SLC43A2: variants seen among roughly 807,000 people sequenced by gnomAD.
The protein encoded by SLC43A2 is solute carrier family 43 member 2.
In SLC43A2, 38 loss-of-function variants were observed where a neutral mutation model predicts 63.2. That is an observed-to-expected ratio of 0.60 (90% CI 0.46 to 0.79). The LOEUF is 0.79. Ranked by LOEUF, SLC43A2 falls within the 30% of genes least tolerant of loss-of-function variation. SLC43A2 has a pLI of 0.00. For missense variants in SLC43A2, 644 were observed against 756.2 expected, an observed-to-expected ratio of 0.85 and a Z score of 1.74; for synonymous variants, 322 against 331.0, an observed-to-expected ratio of 0.97 and a Z score of 0.30.
intron 9 of SLC43A2, among the ~76,000 whole-genome samples, chr17:1,587,544 C>T (rs1253046507): frequency 6.6e-6 from 1 of 152,218 alleles, no homozygotes; most frequent in Non-Finnish European, 1.5e-5. Context: ...CCCCCTGCCA[C>T]AGAGGCCTGG....
chr17:1,576,852 T>G, intron 12 of SLC43A2, 132 bp from the exon 13 acceptor site: 2 of 994,370 alleles, frequency 2.0e-6, no homozygotes, highest in South Asian at 1.8e-5. Flanking sequence ...TCCTTCCTGC[T>G]GGGCAGTTCT....
chr17:1,629,490 C>T (rs1002757966), upstream of SLC43A2, among the ~76,000 whole-genome samples: 1 of 152,244 alleles, frequency 6.6e-6, no homozygotes, highest in African/African-American at 2.4e-5. Context: ...TCCCCTCTCC[C>T]CGGTGGCGTC....
intron 4 of SLC43A2, among the ~76,000 whole-genome samples, chr17:1,614,635 A>G (rs1907424996): frequency 1.3e-5 from 2 of 152,030 alleles, no homozygotes; most frequent in Non-Finnish European, 2.9e-5. Context: ...TGCTGCCTGG[A>G]GGGGACTCAG....
chr17:1,604,529 G>A (rs560829095), intron 5 of SLC43A2: 78 of 604,450 alleles, frequency 1.3e-4, no homozygotes, highest in Admixed American at 4.6e-4. Flanking sequence ...CTCACCCCCC[G>A]GAGGTCACCA....
intron 10 of SLC43A2, 160 bp downstream of exon 10, chr17:1,585,753 T>A: frequency 6.3e-7 from 1 of 1,585,444 alleles, no homozygotes; most frequent in Non-Finnish European, 8.5e-7. Flanking sequence ...TTGAAACGCA[T>A]GCTGAGCTGA....
intron 5 of SLC43A2, among the ~76,000 whole-genome samples, chr17:1,597,884 G>A (rs1280873255): frequency 1.3e-5 from 2 of 152,214 alleles, no homozygotes; most frequent in South Asian, 2.1e-4. Context: ...GTGCTCACAC[G>A]TGCCCAGGCA....
chr17:1,589,297 G>A (rs149428251), intron 9 of SLC43A2, among the ~76,000 whole-genome samples: 4 of 152,264 alleles, frequency 2.6e-5, no homozygotes, highest in African/African-American at 4.8e-5. Context: ...TGGGGTTTCC[G>A]CCACTCCAGG....
At chr17:1,582,537 G>A (rs2076035432) in intron 11 of SLC43A2, among the ~76,000 whole-genome samples, 2 of 152,174 alleles carry the variant, frequency 1.3e-5, no homozygotes, top group African/African-American at 2.4e-5. Context: ...AGCTGCTTGA[G>A]CCGATACAAA....
rs2076046589 is a variant in SLC43A2, at chr17:1,583,172, T to C, written c.1350+32A>G. 1 of 1,605,664 alleles carries C rather than the reference T, an allele frequency of 6.2e-7. No individual in the cohort carries two copies. Among genetic ancestry groups the C allele is most frequent in the Non-Finnish European group, 8.5e-7 (1 of 1,172,984 alleles). ...ACATGTTCCTTCTGACTGCCCCACC[T>C]CCCACCTGCCCCTCCCACTCCCCAC... On this transcript the variant is annotated intron_variant, in intron 11 of 13. Coordinates refer to ENST00000301335, the MANE Select transcript of SLC43A2 (RefSeq NM_152346.3). The surrounding 1 kb of genome is among the most constrained non-coding windows in gnomAD (Gnocchi z 5.5).
intron 5 of SLC43A2, among the ~76,000 whole-genome samples, chr17:1,594,733 GC>G (rs1253002212): frequency 6.6e-6 from 1 of 150,896 alleles, no homozygotes; most frequent in African/African-American, 2.4e-5. Flanking sequence ...GACTATAGGC[GC>G]CCGCCACCAC....
rs867615261 is a variant in SLC43A2, at chr17:1,605,063, G to C, written c.501+8132C>G. On this transcript the variant is annotated intron_variant, in intron 5 of 13. Transcript: ENST00000301335. The surrounding 1 kb of genome is among the most constrained non-coding windows in gnomAD (Gnocchi z 4.9). ...AAGCAGGAAGCCGGAGCTGTTTCCT[G>C]ACTCACCACCACACTCACAGGTGGG... is the stretch of plus-strand genomic sequence containing the variant. 7 of 901,352 alleles carry C rather than the reference G, an allele frequency of 7.8e-6. No homozygotes were observed. Among genetic ancestry groups the C allele is most frequent in the Admixed American group, 4.1e-5 (1 of 24,620 alleles). 55.8% of individuals were successfully genotyped at this position (901,352 alleles called of 1,614,324 possible).
At chr17:1,594,627 G>C (rs1459938120) in intron 5 of SLC43A2, among the ~76,000 whole-genome samples, 1 of 136,422 alleles carries the variant, frequency 7.3e-6, no homozygotes, top group Non-Finnish European at 1.6e-5. Flanking sequence ...TCGCTCTTTC[G>C]CCCAGGCTGT....
chr17:1,586,924 ACAAT>A, intron 9 of SLC43A2: 9 of 1,470,212 alleles, frequency 6.1e-6, no homozygotes, highest in Non-Finnish European at 8.3e-6. Flanking sequence ...GCATTCCCTG[ACAAT>A]CCCCCCCACC....
chr17:1,604,994 C>CGGAGGGGAAGGACCCCA (rs925934097), intron 5 of SLC43A2: 5 of 1,439,102 alleles, frequency 3.5e-6, no homozygotes, highest in African/African-American at 1.4e-5. Flanking sequence ...CGAGGGCTGG[C>CGGAGGGGAAGGACCCCA]GGAGGGGAAG....
At chr17:1,620,445 C>A (rs1908047615) in intron 2 of SLC43A2, among the ~76,000 whole-genome samples, 4 of 152,136 alleles carry the variant, frequency 2.6e-5, no homozygotes, top group Admixed American at 2.6e-4. Flanking sequence ...AGGGAAGAGG[C>A]AAGGTCAGGG....
upstream of SLC43A2, among the ~76,000 whole-genome samples, chr17:1,629,852 G>T (rs1197864463): frequency 6.6e-6 from 1 of 152,192 alleles, no homozygotes; most frequent in African/African-American, 2.4e-5. Context: ...CCCCGTCTTC[G>T]TCCCCCGGAT....
intron 2 of SLC43A2, among the ~76,000 whole-genome samples, chr17:1,618,041 G>A (rs1168813226): frequency 2.6e-5 from 4 of 152,226 alleles, no homozygotes; most frequent in Admixed American, 2.6e-4. Context: ...GTAACTGCCT[G>A]CCTTCCAATT....
Position 1,583,292 on chromosome 17 carries a change from ATCT to A in SLC43A2, c.1259_1261del (p.Lys420del), listed in dbSNP as rs1193014530. The A allele has an allele frequency of 5.0e-6, 8 of 1,614,000 alleles. No homozygotes were observed. The highest frequency in any genetic ancestry group is 1.3e-5 in the African/African-American group (1 of 74,904). ...GGCGAAGGCCCGCATGGCATTAGTG[ATCT>A]TCTGGATCTGCCGGTCCCGCTTCTT... On this transcript the variant is annotated inframe_deletion, in exon 11 of 14. Coordinates refer to ENST00000301335, the MANE Select transcript of SLC43A2 (RefSeq NM_152346.3). This position sits in a 1 kb window ranked among gnomAD's most constrained non-coding sequence, Gnocchi z 5.5.
At chr17:1,591,739 G>GGGGGCCGGGGC in intron 6 of SLC43A2, 40 bp from the exon 7 acceptor site, 1 of 512,310 alleles carries the variant, frequency 2.0e-6, no homozygotes, top group Non-Finnish European at 3.9e-6. Context: ...GGGGGAGGGG[G>GGGGGCCGGGGC]CAGAGTTAGC....
Sources: allele counts gnomAD v4.1 joint callset (sites outside exome capture counted in the v4.1 genomes callset), GRCh38; gene constraint gnomAD v4.1.1; non-coding constraint Gnocchi (gnomAD v3.1); transcripts MANE v1.5; gene names NCBI Gene and HGNC (gene_info 2026-07-23, HGNC 2026-07-21).